Variants in MEAF6 observed in about 807,000 individuals in gnomAD.
MEAF6 encodes chromatin modification-related protein MEAF6.
Under a neutral mutation model 28.9 loss-of-function variants are expected in MEAF6, and 15 were observed. That is an observed-to-expected ratio of 0.52 (90% CI 0.35 to 0.80). MEAF6 has a LOEUF of 0.80. MEAF6 is among the 30% of genes least tolerant of loss of function. The pLI is 0.01. For missense variants in MEAF6, 178 were observed against 237.5 expected (o/e 0.75, Z 1.65); for synonymous variants, 97 against 88.7 (o/e 1.09, Z -0.53).
chr1:37,491,915 C>CTTTT lies in MEAF6; in HGVS notation c.*2180_*2183dup, dbSNP rs1168160086. Among the ~76,000 whole-genome samples, 4 of 132,772 alleles carry CTTTT rather than the reference C, an allele frequency of 3.0e-5. No homozygotes were observed. Among genetic ancestry groups the CTTTT allele is most frequent in the Non-Finnish European group, 6.5e-5 (4 of 61,968 alleles). 87.1% of individuals were successfully genotyped at this position (132,772 alleles called of 152,430 possible). A position where few individuals can be genotyped will look rare whatever the true frequency, so the allele number is the denominator to read the frequency against. On this transcript the variant is annotated 3_prime_UTR_variant, in exon 7 of 7. Transcript: ENST00000296214. Reference sequence around the variant, plus strand: ...CTTTTTAAGAGCAGTACTATTCTTTCTTTTTTTTTTTTTTTTTGACAGAGT... The same window carrying CTTTT: ...CTTTTTAAGAGCAGTACTATTCTTTCTTTTTTTTTTTTTTTTTTTTTGACAGAGT...
chr1:37,514,714 C>G lies in MEAF6; in HGVS notation c.33G>C (p.Gln11His). 1.3e-6 allele frequency: 2 copies of G among 1,536,242 alleles called. No homozygotes were observed. Among genetic ancestry groups the G allele is most frequent in the South Asian group, 2.4e-5 (2 of 85,090 alleles). ...CCAGCTCCCGCCGGGTGTCCGGGAT[C>G]TGCGGCGGCGCCGCCTTGTTGTGCA... MAMHNKAAPPQIPDTRRELAE... is the reference protein window; with the variant it reads MAMHNKAAPPHIPDTRRELAE... Residue 11 changes from glutamine (Q) to histidine (H), a missense_variant, in exon 1 of 7, where the codon CAG becomes CAC. By Grantham distance (24) the Gln-to-His change is conservative. Around this residue, in one of 2 missense-constraint regions of MEAF6, gnomAD observed 54 missense variants for 37.0 expected, o/e 1.46. Coordinates refer to ENST00000296214, the MANE Select transcript of MEAF6 (RefSeq NM_001270875.3).
chr1:37,505,070 G>C (rs773716876), intron 4 of MEAF6, among the ~76,000 whole-genome samples: 14 of 152,064 alleles, frequency 9.2e-5, no homozygotes, highest in Non-Finnish European at 1.9e-4. Context: ...TTTTAGTAAA[G>C]ACGGGGTTTT....
chr1:37,495,695 AAC>A (rs142600370), intron 6 of MEAF6, among the ~76,000 whole-genome samples, 188 bp downstream of exon 6: 4,489 of 110,040 alleles, frequency 0.041, 214 homozygotes, highest in South Asian at 0.07. Flanking sequence ...AAAAAAAAAA[AAC>A]AAAAAACAAA....
At chr1:37,501,276 G>C (rs1179548033) in intron 5 of MEAF6, 1 of 152,092 alleles carries the variant, frequency 6.6e-6, no homozygotes, top group Non-Finnish European at 1.5e-5. Context: ...TCCAGTATCT[G>C]AAGTCAGCAT....
chr1:37,490,224 G>A lies in MEAF6; in HGVS notation c.*3875C>T, dbSNP rs148237073. 4.7e-5 allele frequency among the ~76,000 whole-genome samples: 7 copies of A among 150,326 alleles called. No individual in the cohort carries two copies. In the East Asian group the frequency reaches 1.2e-3, roughly 25 times the overall value. On this transcript the variant is annotated 3_prime_UTR_variant, in exon 7 of 7. Coordinates refer to ENST00000296214, the MANE Select transcript of MEAF6 (RefSeq NM_001270875.3). ...ACTGCCCTAAGTGAGGATCAGCATCGACTCCACCACAGCCCACTTTAGTGG... is the reference window on the plus strand; with the variant it reads ...ACTGCCCTAAGTGAGGATCAGCATCAACTCCACCACAGCCCACTTTAGTGG...
intron 4 of MEAF6, among the ~76,000 whole-genome samples, chr1:37,506,086 C>G (rs1453877349): frequency 6.6e-6 from 1 of 152,306 alleles, no homozygotes; most frequent in African/African-American, 2.4e-5. Flanking sequence ...GCCTGGCTAA[C>G]AGAGTGAAAC....
Position 37,490,218 on chromosome 1 carries a change from A to T in MEAF6, c.*3881T>A, listed in dbSNP as rs967045665. 1.3e-5 allele frequency among the ~76,000 whole-genome samples: 2 copies of T among 151,524 alleles called. No homozygotes were observed. Among genetic ancestry groups the T allele is most frequent in the Non-Finnish European group, 2.9e-5 (2 of 67,958 alleles). ...GAGGCCACTGCCCTAAGTGAGGATCAGCATCGACTCCACCACAGCCCACTT... is the reference window on the plus strand; with the variant it reads ...GAGGCCACTGCCCTAAGTGAGGATCTGCATCGACTCCACCACAGCCCACTT... On this transcript the variant is annotated 3_prime_UTR_variant, in exon 7 of 7. Transcript: ENST00000296214.
rs957679941 is a variant in MEAF6 at position 37,491,068 on chromosome 1, TA to T, written c.*3030del. ...AAAATAATGCCTCATTAATTTGGAG[TA>T]AGGTTGGGGGGCATAGAAGACAGAA... On this transcript the variant is annotated 3_prime_UTR_variant, in exon 7 of 7. Transcript: ENST00000296214. 1.3e-5 allele frequency among the ~76,000 whole-genome samples: 2 copies of T among 151,896 alleles called. No homozygotes were observed. Among genetic ancestry groups the T allele is most frequent in the Admixed American group, 1.3e-4 (2 of 15,242 alleles).
At position 37,509,361 on chromosome 1, in the gene MEAF6, C is replaced by A. The variant is rs756624186; in HGVS notation, c.295-38G>T. The stretch of plus-strand genomic sequence containing the variant: ...CCACCAGTTACTAGAAAAGTGACCA[C>A]AGACCTCAGAAGAGCACTCCCAGAG... On this transcript the variant is annotated intron_variant, in intron 3 of 6. Transcript: ENST00000296214. 103 of 1,612,192 alleles carry A rather than the reference C, an allele frequency of 6.4e-5. 3 individuals are homozygous for A. The South Asian group carries it at 1.1e-3, about 18-fold the overall frequency.
intron 4 of MEAF6, among the ~76,000 whole-genome samples, chr1:37,508,335 G>A (rs1433945585): frequency 1.5e-5 from 2 of 130,494 alleles, no homozygotes; most frequent in African/African-American, 2.9e-5. Flanking sequence ...GGCTGGAGCA[G>A]TGACACGATC....
intron 4 of MEAF6, among the ~76,000 whole-genome samples, chr1:37,507,818 C>T (rs1642535798): frequency 6.7e-6 from 1 of 149,926 alleles, no homozygotes; most frequent in Non-Finnish European, 1.5e-5. Flanking sequence ...GAGCGAGACT[C>T]CGTCTTAAAA....
At chr1:37,498,722 C>T (rs1642200001) in intron 5 of MEAF6, among the ~76,000 whole-genome samples, 1 of 152,044 alleles carries the variant, frequency 6.6e-6, no homozygotes, top group Admixed American at 6.6e-5. Flanking sequence ...TGAGCCACAG[C>T]ACCTGGCCAC....
chr1:37,495,970 T>A, intron 5 of MEAF6, 52 bp from the exon 6 acceptor site: 1 of 1,502,468 alleles, frequency 6.7e-7, no homozygotes, highest in Non-Finnish European at 9.3e-7. Flanking sequence ...AGAAAATGGG[T>A]CCCACAATCA....
Position 37,494,038 on chromosome 1 carries a change from G to T in MEAF6, c.*61C>A. ...ACTCAGGTGAAGGATGTTTATCTTT[G>T]TGAGGTCAGAGAAGGGAAGCAGGGC... On this transcript the variant is annotated 3_prime_UTR_variant, in exon 7 of 7. Transcript: ENST00000296214. 1 of 1,600,488 alleles carries T rather than the reference G, an allele frequency of 6.2e-7. No homozygotes were observed. Among genetic ancestry groups the T allele is most frequent in the Non-Finnish European group, 8.5e-7 (1 of 1,176,462 alleles).
At chr1:37,497,625 CTT>C (rs937464179) in intron 5 of MEAF6, among the ~76,000 whole-genome samples, 73 of 150,936 alleles carry the variant, frequency 4.8e-4, no homozygotes, top group African/African-American at 1.7e-3. Flanking sequence ...GAGTTTTGCT[CTT>C]GTCACCCAGG....
In MEAF6 at chr1:37,501,898, C is replaced by T; in HGVS notation, c.439G>A (p.Val147Met). ...GCCTTCTGAGGTTTCACTCCCTGCACAGATCCATCCAGATCCTCAGGGTCC... is the reference window on the plus strand; with the variant it reads ...GCCTTCTGAGGTTTCACTCCCTGCATAGATCCATCCAGATCCTCAGGGTCC... ...QEDPEDLDGS[V>M]QGVKPQKAAS... The change falls in exon 5 of 7, where the codon GTG (valine) becomes ATG (methionine). Residue 147 changes from valine (V) to methionine (M), a missense_variant. By Grantham distance (21) the Val-to-Met change is conservative. Coordinates refer to ENST00000296214, the MANE Select transcript of MEAF6 (RefSeq NM_001270875.3). 1 of 1,612,066 alleles carries T rather than the reference C, an allele frequency of 6.2e-7. No individual in the cohort carries two copies. The highest frequency in any genetic ancestry group is 1.7e-5 in the Admixed American group (1 of 59,994).
intron 2 of MEAF6, among the ~76,000 whole-genome samples, chr1:37,511,479 G>A (rs1463996587): frequency 1.3e-5 from 2 of 152,212 alleles, no homozygotes; most frequent in Admixed American, 6.5e-5. Context: ...AGAGGGAGCA[G>A]TATATTCATA....
intron 4 of MEAF6, among the ~76,000 whole-genome samples, chr1:37,505,386 T>C (rs1179093603): frequency 3.9e-5 from 6 of 152,170 alleles, no homozygotes; most frequent in Non-Finnish European, 7.4e-5. Context: ...AGAGCAAGCA[T>C]GTCCCACCCA....
rs190842275 is a variant in MEAF6 at position 37,490,333 on chromosome 1, A to G, written c.*3766T>C. On this transcript the variant is annotated 3_prime_UTR_variant, in exon 7 of 7. Transcript: ENST00000296214. The stretch of plus-strand genomic sequence containing the variant: ...AGCTTACCACTTAGACAATTCAGAC[A>G]AGGTAATGCTCATTTAGACTGACAC... 2.7e-3 allele frequency among the ~76,000 whole-genome samples: 410 copies of G among 152,270 alleles called. No individual in the cohort carries two copies. The highest frequency in any genetic ancestry group is 3.9e-3 in the Admixed American group (60 of 15,300).
Sources: gnomAD v4.1 joint callset for allele counts (sites outside exome capture counted in the v4.1 genomes callset) on GRCh38, gnomAD v4.1.1 for gene constraint, gnomAD v4.1.1 regional missense constraint, MANE v1.5 for transcripts, NCBI Gene and HGNC (gene_info 2026-07-23, HGNC 2026-07-21) for gene names.